Variants in FLT3 observed in about 807,000 individuals in gnomAD.
The protein encoded by FLT3 is receptor-type tyrosine-protein kinase FLT3.
Under a neutral mutation model 126.6 loss-of-function variants are expected in FLT3, and 46 were observed. That is an observed-to-expected ratio of 0.36 (90% confidence interval 0.29 to 0.46). The LOEUF (loss-of-function observed/expected upper bound fraction) is 0.46, where lower values mean the gene tolerates loss of function less well. Among genes scored for constraint, FLT3 ranks in the 20% least tolerant of loss-of-function variants. The pLI is 1.00. For synonymous variants in FLT3, 404 were observed against 434.4 expected (o/e 0.93, Z 0.87); for missense variants, 1,069 against 1,190.3 (o/e 0.90, Z 1.50).
intron 17 of FLT3, among the ~76,000 whole-genome samples, chr13:28,025,996 C>G (rs1206368514): frequency 6.6e-6 from 1 of 152,124 alleles, no homozygotes; most frequent in Admixed American, 6.5e-5. Context: ...AAAAAAGTCT[C>G]CAATAAACAA....
chr13:28,059,888 A>T (rs761548688), intron 3 of FLT3, among the ~76,000 whole-genome samples: 16 of 152,016 alleles, frequency 1.1e-4, no homozygotes, highest in Non-Finnish European at 2.2e-4. Flanking sequence ...TGAACCCAGG[A>T]GGAGGAGGTT....
chr13:28,075,769 T>C (rs958889843), intron 1 of FLT3, among the ~76,000 whole-genome samples: 4 of 150,296 alleles, frequency 2.7e-5, no homozygotes, highest in Admixed American at 6.7e-5. Flanking sequence ...TATTTTTTCA[T>C]GTTGAGACAT....
At position 28,026,867 on chromosome 13, in the gene FLT3, G is replaced by C. The variant is rs78158228; in HGVS notation, c.2207+221C>G. Among the ~76,000 whole-genome samples, 537 of 152,314 alleles carry C rather than the reference G, an allele frequency of 3.5e-3. 8 individuals carry two copies. Among genetic ancestry groups the C allele is most frequent in the African/African-American group, 0.012 (487 of 41,560 alleles). Reference sequence around the variant, plus strand: ...CTATGGTGTGATGCAGGCATGGGTGGAGAGAGACTAGCTCAGCTATAGTAC... The same window carrying C: ...CTATGGTGTGATGCAGGCATGGGTGCAGAGAGACTAGCTCAGCTATAGTAC... On this transcript the variant is annotated intron_variant, in intron 17 of 23. Transcript: ENST00000241453.
At chr13:28,056,855 T>C (rs1411895217) in intron 4 of FLT3, among the ~76,000 whole-genome samples, 2 of 152,216 alleles carry the variant, frequency 1.3e-5, no homozygotes, top group Non-Finnish European at 2.9e-5. Flanking sequence ...GGCTACTGTA[T>C]TGGAAAGAAC....
chr13:28,073,362 A>G, intron 1 of FLT3: 1 of 421,218 alleles, frequency 2.4e-6, no homozygotes, highest in Non-Finnish European at 4.7e-6. Context: ...GAAAAAAAAA[A>G]AAAAAAAGCA....
chr13:28,037,357 G>T, intron 9 of FLT3, 69 bp from the exon 10 acceptor site: 1 of 886,566 alleles, frequency 1.1e-6, no homozygotes, highest in Non-Finnish European at 1.9e-6. Context: ...TAATGACAGT[G>T]TGCATGGGAG....
At chr13:28,062,171 T>C (rs1876630689) in intron 2 of FLT3, 102 bp from the exon 3 acceptor site, 9 of 802,322 alleles carry the variant, frequency 1.1e-5, no homozygotes, top group African/African-American at 1.7e-5. Flanking sequence ...GCTGACACAC[T>C]GCACGCAACA....
At chr13:28,046,055 G>A (rs896114780) in intron 9 of FLT3, among the ~76,000 whole-genome samples, 3 of 151,976 alleles carry the variant, frequency 2.0e-5, no homozygotes, top group Admixed American at 2.0e-4. Flanking sequence ...AGGAGACCCG[G>A]GATGCTGAAA....
intron 9 of FLT3, among the ~76,000 whole-genome samples, chr13:28,044,117 G>T (rs1356882571): frequency 1.3e-5 from 2 of 150,788 alleles, no homozygotes. Context: ...CTGCACTCTA[G>T]CCTGGGTGAC....
chr13:28,074,902 G>A (rs1277762492), intron 1 of FLT3, among the ~76,000 whole-genome samples: 1 of 152,130 alleles, frequency 6.6e-6, no homozygotes, highest in Non-Finnish European at 1.5e-5. Context: ...CTCAAGTGCT[G>A]GGATTACAGG....
intron 3 of FLT3, among the ~76,000 whole-genome samples, chr13:28,059,076 G>A (rs1486965297): frequency 6.6e-6 from 1 of 152,172 alleles, no homozygotes; most frequent in Non-Finnish European, 1.5e-5. Flanking sequence ...CGCAAAAGAG[G>A]AAAGGAAAAT....
intron 2 of FLT3, among the ~76,000 whole-genome samples, chr13:28,063,894 G>T (rs1472150345): frequency 6.6e-6 from 1 of 152,220 alleles, no homozygotes; most frequent in African/African-American, 2.4e-5. Flanking sequence ...AGGGAGAAGA[G>T]ATTTCTAAGC....
At chr13:28,052,287 G>A (rs1331123609) in intron 5 of FLT3, among the ~76,000 whole-genome samples, 1 of 151,450 alleles carries the variant, frequency 6.6e-6, no homozygotes, top group Non-Finnish European at 1.5e-5. Context: ...GTAGAGATGG[G>A]GTTTCACCAT....
Position 28,030,821 on chromosome 13 carries a change from T to G in FLT3, c.1943-2533A>C, listed in dbSNP as rs538617760. The stretch of plus-strand genomic sequence containing the variant: ...TACTGGAAAGGCTGCAGACCATCAC[T>G]TGAGCCCAGGACTTGAAGCTTGCCG... On this transcript the variant is annotated intron_variant, in intron 15 of 23. Coordinates refer to ENST00000241453, the MANE Select transcript of FLT3 (RefSeq NM_004119.3). Among the ~76,000 whole-genome samples, 62 of 152,282 alleles carry G rather than the reference T, an allele frequency of 4.1e-4. No individual in the cohort carries two copies. In the South Asian group the frequency reaches 5.2e-3, roughly 13 times the overall value.
At chr13:28,045,854 CAAAA>C (rs11356393) in intron 9 of FLT3, among the ~76,000 whole-genome samples, 1 of 125,806 alleles carries the variant, frequency 7.9e-6, no homozygotes, top group Non-Finnish European at 1.6e-5. Context: ...GACTCTGTCT[CAAAA>C]AAAAAAAAAA....
chr13:28,073,940 TAA>T (rs747529463), intron 1 of FLT3, among the ~76,000 whole-genome samples: 24 of 132,522 alleles, frequency 1.8e-4, no homozygotes, highest in African/African-American at 5.3e-4. Context: ...ATCCTGCCTC[TAA>T]AAAAAAAAAA....
intron 9 of FLT3, among the ~76,000 whole-genome samples, chr13:28,042,188 T>TAATAATAATAAA (rs1555255326): frequency 0.02 from 2,702 of 136,520 alleles, 33 homozygotes; most frequent in East Asian, 0.034. Context: ...ATAATAATAA[T>TAATAATAATAAA]AAATAAAAAT....
At chr13:28,039,925 T>G (rs1874193326) in intron 9 of FLT3, among the ~76,000 whole-genome samples, 1 of 151,966 alleles carries the variant, frequency 6.6e-6, no homozygotes, top group African/African-American at 2.4e-5. Flanking sequence ...ACTCCTGCCC[T>G]CAAGCCATCC....
At chr13:28,099,123 T>A (rs1050529183) in intron 1 of FLT3, among the ~76,000 whole-genome samples, 2 of 152,070 alleles carry the variant, frequency 1.3e-5, no homozygotes, top group African/African-American at 2.4e-5. Context: ...GAGAGAGACA[T>A]AGAAATTTCT....
Sources: gnomAD v4.1 joint callset for allele counts (sites outside exome capture counted in the v4.1 genomes callset) on GRCh38, gnomAD v4.1.1 for gene constraint, MANE v1.5 for transcripts, NCBI Gene and HGNC (gene_info 2026-07-23, HGNC 2026-07-21) for gene names.